The following PHLPP1 variants were observed in gnomAD, a reference collection of about 807,000 sequenced individuals.
PHLPP1 encodes PH domain and leucine rich repeat protein phosphatase 1, also known as PH domain leucine-rich repeat-containing protein phosphatase 1.
Under a neutral mutation model 117.2 loss-of-function variants are expected in PHLPP1, and 42 were observed. That is an observed-to-expected ratio of 0.36 (90% CI 0.28 to 0.46). The LOEUF is 0.46. PHLPP1 is among the 20% of genes least tolerant of loss of function. The probability of loss-of-function intolerance (pLI) is 1.00; values close to 1 mark genes in which losing one functional copy is unlikely to be tolerated. For synonymous variants in PHLPP1, 1,042 were observed against 970.7 expected, an observed-to-expected ratio of 1.07 and a Z score of -1.37; for missense variants, 2,084 against 2,241.9, an observed-to-expected ratio of 0.93 and a Z score of 1.42.
At chr18:62,831,387 G>A (rs1914752638) in intron 2 of PHLPP1, among the ~76,000 whole-genome samples, 1 of 151,462 alleles carries the variant, frequency 6.6e-6, no homozygotes, top group African/African-American at 2.4e-5. Context: ...TCCCAGGCTG[G>A]AGTGTGGTGG....
chr18:62,717,059 C>T lies in PHLPP1; in HGVS notation c.1376C>T (p.Ala459Val), dbSNP rs1424310763. 18 of 1,546,712 alleles carry T rather than the reference C, an allele frequency of 1.2e-5. No individual in the cohort carries two copies. Among genetic ancestry groups the T allele is most frequent in the South Asian group, 6.0e-5 (5 of 83,880 alleles). ...QSTPGRSGVT[A>V]EKAPPPPPPP... The stretch of plus-strand genomic sequence containing the variant: ...ACCCCCGGGAGGAGCGGGGTGACCG[C>T]GGAGAAGGCGCCTCCGCCGCCCCCG... Residue 459 changes from alanine to valine, a missense_variant, in exon 1 of 17, where the codon GCG (alanine) becomes GTG (valine). Physicochemically the swap from Ala to Val is moderately conservative, Grantham distance 64 (BLOSUM62 0). Transcript: ENST00000262719.
intron 3 of PHLPP1, among the ~76,000 whole-genome samples, chr18:62,856,699 G>T (rs1323058609): frequency 6.6e-6 from 1 of 152,200 alleles, no homozygotes; most frequent in African/African-American, 2.4e-5. Flanking sequence ...CTCCCAAAGT[G>T]CTGGGATTAC....
At chr18:62,794,492 T>C (rs1449250820) in intron 1 of PHLPP1, among the ~76,000 whole-genome samples, 2 of 152,120 alleles carry the variant, frequency 1.3e-5, no homozygotes, top group Non-Finnish European at 2.9e-5. Context: ...CTCAACCTTC[T>C]AAGTAGATGG....
intron 1 of PHLPP1, among the ~76,000 whole-genome samples, chr18:62,766,694 A>G (rs924470050): frequency 5.9e-5 from 9 of 152,164 alleles, no homozygotes; most frequent in Non-Finnish European, 1.2e-4. Flanking sequence ...TCTATATAAT[A>G]TATCAGCTGT....
Position 62,873,000 on chromosome 18 carries a change from A to AAAAG in PHLPP1, c.2066+12402_2066+12403insGAAA, listed in dbSNP as rs1224995414. ...AAACTCTGCCTCAAAAAAAAAAAAA[A>AAAAG]AAAAAAAGAAAAGGGGAGGTCAGAG... On this transcript the variant is annotated intron_variant, in intron 4 of 16. Transcript: ENST00000262719. Among the ~76,000 whole-genome samples, 79 of 147,970 alleles carry AAAAG rather than the reference A, an allele frequency of 5.3e-4. 1 individual carries two copies. The highest frequency in any genetic ancestry group is 1.8e-3 in the African/African-American group (76 of 41,082).
rs567142693 is a variant in PHLPP1 at position 62,948,486 on chromosome 18, C to T, written c.3324+3215C>T. ...TGAATTCCTTCCCCTGTTGTCTTCT[C>T]TCTGTACCTGCTTTACAACTCCTTT... On this transcript the variant is annotated intron_variant, in intron 12 of 16. Coordinates refer to ENST00000262719, the MANE Select transcript of PHLPP1 (RefSeq NM_194449.4). Among the ~76,000 whole-genome samples the T allele has an allele frequency of 9.2e-5, 14 of 152,306 alleles. No homozygotes were observed. The East Asian group carries it at 2.5e-3, about 27-fold the overall frequency.
At chr18:62,927,136 T>C (rs1026112491) in intron 10 of PHLPP1, among the ~76,000 whole-genome samples, 1 of 152,090 alleles carries the variant, frequency 6.6e-6, no homozygotes. Flanking sequence ...AAACTAAAGG[T>C]TCTACAAGAC....
At chr18:62,815,728 A>T (rs1369237044) in intron 1 of PHLPP1, among the ~76,000 whole-genome samples, 1 of 152,236 alleles carries the variant, frequency 6.6e-6, no homozygotes, top group Non-Finnish European at 1.5e-5. Flanking sequence ...GAAGCCAGTC[A>T]CTAAGTGCAG....
chr18:62,960,479 G>A (rs984275203), intron 13 of PHLPP1, among the ~76,000 whole-genome samples: 1 of 151,994 alleles, frequency 6.6e-6, no homozygotes, highest in Non-Finnish European at 1.5e-5. Context: ...GATATAAATG[G>A]CAAATGACAA....
At chr18:62,808,016 G>A (rs2144308224) in intron 1 of PHLPP1, among the ~76,000 whole-genome samples, 1 of 152,248 alleles carries the variant, frequency 6.6e-6, no homozygotes, top group Non-Finnish European at 1.5e-5. Flanking sequence ...AATCTTACGG[G>A]ACCATCATCC....
At chr18:62,939,982 T>C (rs1438447344) in intron 10 of PHLPP1, among the ~76,000 whole-genome samples, 1 of 151,988 alleles carries the variant, frequency 6.6e-6, no homozygotes, top group East Asian at 1.9e-4. Flanking sequence ...AATGAGGGAA[T>C]AGTGTGGTTC....
At chr18:62,841,778 G>A (rs1915057712) in intron 3 of PHLPP1, among the ~76,000 whole-genome samples, 1 of 152,134 alleles carries the variant, frequency 6.6e-6, no homozygotes, top group African/African-American at 2.4e-5. Context: ...CTTACAATAA[G>A]TGGAGCTTAG....
intron 4 of PHLPP1, among the ~76,000 whole-genome samples, chr18:62,892,989 C>G (rs1431135522): frequency 6.6e-6 from 1 of 151,320 alleles, no homozygotes; most frequent in East Asian, 1.9e-4. Context: ...ATAAGAGGCT[C>G]TGTAATTCTA....
rs1208214370 is a variant in PHLPP1 at position 62,978,472 on chromosome 18, G to T, written c.4195G>T (p.Ala1399Ser). ...VRNVPDALAA[A>S]KKLCTLAQSY... ...CAACGTGCCCGATGCCCTGGCTGCT[G>T]CCAAGAAGCTGTGTACCCTGGCCCA... Residue 1399 changes from alanine (A) to serine (S), a missense_variant, in exon 17 of 17, where the codon GCC becomes TCC. Ala to Ser is a moderately conservative substitution (Grantham distance 99). Transcript: ENST00000262719. The surrounding 1 kb of genome is among the most constrained non-coding windows in gnomAD (Gnocchi z 7.0). The T allele has an allele frequency of 6.2e-7, 1 of 1,609,612 alleles. No individual in the cohort carries two copies.
chr18:62,876,889 A>C (rs557646809), intron 4 of PHLPP1, among the ~76,000 whole-genome samples: 27 of 152,312 alleles, frequency 1.8e-4, no homozygotes, highest in Admixed American at 1.0e-3. Context: ...GAAAGACTTG[A>C]TTTGAGCTCT....
intron 12 of PHLPP1, among the ~76,000 whole-genome samples, chr18:62,945,849 C>T (rs1910267027): frequency 6.6e-6 from 1 of 152,176 alleles, no homozygotes; most frequent in Non-Finnish European, 1.5e-5. Flanking sequence ...GTGAAGCAAT[C>T]TGTGTAAATT....
At position 62,716,191 on chromosome 18, in the gene PHLPP1, C is replaced by G; in HGVS notation, c.508C>G (p.Arg170Gly). ...SCSASASLCTRSLDRKTLLLK... is the reference protein window; with the variant it reads ...SCSASASLCTGSLDRKTLLLK... ...CTCGGCCTCGGCGTCGCTGTGCACC[C>G]GGAGCCTGGACAGGAAGACGCTGCT... The change falls in exon 1 of 17, where the codon CGG becomes GGG. Residue 170 changes from arginine (R) to glycine (G), a missense_variant. Arg to Gly is a moderately radical substitution (Grantham distance 125, BLOSUM62 -2). Around this residue, in one of 2 missense-constraint regions of PHLPP1, gnomAD observed 719 missense variants for 636.0 expected, o/e 1.13. Coordinates refer to ENST00000262719, the MANE Select transcript of PHLPP1 (RefSeq NM_194449.4). This position sits in a 1 kb window ranked among gnomAD's most constrained non-coding sequence, Gnocchi z 5.7. The G allele has an allele frequency of 6.6e-7, 1 of 1,520,762 alleles. No individual in the cohort carries two copies. The highest frequency in any genetic ancestry group is 2.5e-5 in the East Asian group (1 of 39,236). 94.2% of individuals were successfully genotyped at this position (1,520,762 alleles called of 1,614,324 possible).
intron 4 of PHLPP1, among the ~76,000 whole-genome samples, chr18:62,883,337 G>T (rs1916211611): frequency 6.6e-6 from 1 of 152,162 alleles, no homozygotes; most frequent in African/African-American, 2.4e-5. Flanking sequence ...ACGGCAGGTG[G>T]TATTCAGGGA....
At chr18:62,949,124 T>TACA (rs1265774213) in intron 12 of PHLPP1, among the ~76,000 whole-genome samples, 1 of 152,220 alleles carries the variant, frequency 6.6e-6, no homozygotes, top group East Asian at 1.9e-4. Context: ...CAGTAGGTGT[T>TACA]ACTTGTAAAG....
Sources: allele counts gnomAD v4.1 joint callset (sites outside exome capture counted in the v4.1 genomes callset), GRCh38; gene constraint gnomAD v4.1.1; regional missense constraint gnomAD v4.1.1; non-coding constraint Gnocchi (gnomAD v3.1); transcripts MANE v1.5; gene names NCBI Gene and HGNC (gene_info 2026-07-23, HGNC 2026-07-21).